The following B3GALT1 variants were observed in gnomAD, a reference collection of about 807,000 sequenced individuals.
The protein encoded by B3GALT1 is beta-1,3-galactosyltransferase 1.
A neutral mutation model predicts 23.2 loss-of-function variants in B3GALT1; 10 were observed. The ratio of observed to expected loss-of-function variants is 0.43; its 90% confidence interval spans 0.27 to 0.73. The LOEUF (loss-of-function observed/expected upper bound fraction) is 0.73. Ranked by LOEUF, B3GALT1 falls within the 30% of genes least tolerant of loss-of-function variation. The pLI is 0.21. For synonymous variants in B3GALT1, 156 were observed against 141.5 expected (o/e 1.10, Z -0.73); for missense variants, 299 against 405.4 (o/e 0.74, Z 2.25).
chr2:167,742,695 A>G (rs1687594205), intron 3 of B3GALT1, among the ~76,000 whole-genome samples: 1 of 152,124 alleles, frequency 6.6e-6, no homozygotes, highest in African/African-American at 2.4e-5. Flanking sequence ...CACAGAAATG[A>G]TGTAATTCTG....
Position 167,777,810 on chromosome 2 carries a change from A to C in B3GALT1, c.-351-40862A>C, listed in dbSNP as rs149868469. ...AAGTACATTTCATAGCACTGAGTAG[A>C]TATATTACAGTGTGACATAGGACTA... On this transcript the variant is annotated intron_variant, in intron 3 of 4. Coordinates refer to ENST00000392690, the MANE Select transcript of B3GALT1 (RefSeq NM_020981.4). 1.8e-3 allele frequency among the ~76,000 whole-genome samples: 281 copies of C among 152,284 alleles called. 1 individual carries two copies. Among genetic ancestry groups the C allele is most frequent in the Non-Finnish European group, 2.9e-3 (194 of 68,018 alleles).
chr2:167,293,894 G>C (rs1312634313), intron 1 of B3GALT1, among the ~76,000 whole-genome samples: 3 of 144,504 alleles, frequency 2.1e-5, no homozygotes, highest in Non-Finnish European at 4.5e-5. Context: ...AAAAGTAACT[G>C]TTGGTCCACA....
intron 3 of B3GALT1, among the ~76,000 whole-genome samples, chr2:167,694,520 A>G (rs1328499483): frequency 1.3e-5 from 2 of 152,158 alleles, no homozygotes; most frequent in African/African-American, 2.4e-5. Context: ...GCTGAAATTT[A>G]TCTCATTCTA....
At chr2:167,430,885 A>G (rs1199687126) in intron 1 of B3GALT1, among the ~76,000 whole-genome samples, 2 of 152,234 alleles carry the variant, frequency 1.3e-5, no homozygotes, top group African/African-American at 2.4e-5. Context: ...CAGAGAATGC[A>G]GTATACATGT....
intron 3 of B3GALT1, among the ~76,000 whole-genome samples, chr2:167,810,692 C>A (rs1016914095): frequency 6.8e-6 from 1 of 148,020 alleles, no homozygotes; most frequent in African/African-American, 2.7e-5. Flanking sequence ...CCTCATAGAT[C>A]CCACTGCATG....
chr2:167,451,325 A>G (rs886676115), intron 1 of B3GALT1, among the ~76,000 whole-genome samples: 3 of 151,732 alleles, frequency 2.0e-5, no homozygotes, highest in South Asian at 2.1e-4. Flanking sequence ...TGGGTAGGCT[A>G]TGTCAGAGGG....
chr2:167,873,192 G>GATA lies in B3GALT1; in HGVS notation c.*3177_*3179dup, dbSNP rs1201794214. ...AACTCTTTTTTTCCATTATGCACTG[G>GATA]ATAATAACAGTATCAGTGTCTATGT... On this transcript the variant is annotated 3_prime_UTR_variant, in exon 5 of 5. Coordinates refer to ENST00000392690, the MANE Select transcript of B3GALT1 (RefSeq NM_020981.4). 6.6e-6 allele frequency: 1 copy of GATA among 151,872 alleles called. No homozygotes were observed. The highest frequency in any genetic ancestry group is 2.4e-5 in the African/African-American group (1 of 41,340). The allele number at this position is 151,872 out of a possible 1,614,324, so 9.4% of individuals were successfully genotyped here. A position where few individuals can be genotyped will look rare whatever the true frequency, so the allele number is the denominator to read the frequency against.
intron 3 of B3GALT1, among the ~76,000 whole-genome samples, chr2:167,653,645 G>A (rs1159971533): frequency 6.6e-6 from 1 of 152,188 alleles, no homozygotes; most frequent in Non-Finnish European, 1.5e-5. Context: ...TACAGGAGAT[G>A]TTGCAGGCTC....
chr2:167,795,305 C>A (rs1213857523), intron 3 of B3GALT1, among the ~76,000 whole-genome samples: 1 of 152,134 alleles, frequency 6.6e-6, no homozygotes, highest in African/African-American at 2.4e-5. Flanking sequence ...AAACAGAAAT[C>A]TAAGGGGAAG....
intron 3 of B3GALT1, among the ~76,000 whole-genome samples, chr2:167,691,909 AAGTAAGT>A (rs930272615): frequency 1.8e-4 from 28 of 152,276 alleles, no homozygotes; most frequent in African/African-American, 6.5e-4. Context: ...CTCGTACATA[AAGTAAGT>A]AGAGCTTGTA....
chr2:167,632,966 T>G (rs1328524682), intron 2 of B3GALT1, among the ~76,000 whole-genome samples: 2 of 152,028 alleles, frequency 1.3e-5, no homozygotes, highest in Non-Finnish European at 2.9e-5. Context: ...CTTGAGTTAA[T>G]TTTTGTATAA....
intron 3 of B3GALT1, among the ~76,000 whole-genome samples, chr2:167,767,893 G>A (rs1308256122): frequency 6.6e-6 from 1 of 152,110 alleles, no homozygotes; most frequent in Non-Finnish European, 1.5e-5. Context: ...TTTGCAAGCT[G>A]CAGACCCAGG....
chr2:167,499,993 G>A (rs939305737), intron 2 of B3GALT1, among the ~76,000 whole-genome samples: 4 of 152,062 alleles, frequency 2.6e-5, no homozygotes, highest in Admixed American at 6.6e-5. Flanking sequence ...TCCTGTGTGC[G>A]TGTGTGTTTG....
At chr2:167,373,230 G>T (rs1697711953) in intron 1 of B3GALT1, among the ~76,000 whole-genome samples, 1 of 151,562 alleles carries the variant, frequency 6.6e-6, no homozygotes, top group Non-Finnish European at 1.5e-5. Context: ...ATTCAAAATG[G>T]ATTATAAACC....
chr2:167,508,614 A>G (rs1385839229), intron 2 of B3GALT1, among the ~76,000 whole-genome samples: 1 of 152,094 alleles, frequency 6.6e-6, no homozygotes, highest in Non-Finnish European at 1.5e-5. Context: ...TATGCTCTAA[A>G]ATTGAACTTT....
intron 1 of B3GALT1, among the ~76,000 whole-genome samples, chr2:167,354,642 G>C (rs1697373445): frequency 6.6e-6 from 1 of 152,074 alleles, no homozygotes; most frequent in Non-Finnish European, 1.5e-5. Context: ...ACTTTGCCCG[G>C]CCAAATCTCT....
At chr2:167,375,814 A>G (rs77634021) in intron 1 of B3GALT1, among the ~76,000 whole-genome samples, 15,699 of 151,708 alleles carry the variant, frequency 0.1, 995 homozygotes, top group African/African-American at 0.18. Flanking sequence ...TTCCTATTGC[A>G]ATGCCTTTTC....
intron 2 of B3GALT1, among the ~76,000 whole-genome samples, chr2:167,536,114 T>C (rs1683419463): frequency 6.6e-6 from 1 of 152,050 alleles, no homozygotes; most frequent in Admixed American, 6.6e-5. Context: ...ACTATGTTGA[T>C]CAGGCTGGTG....
intron 1 of B3GALT1, among the ~76,000 whole-genome samples, chr2:167,423,155 C>A (rs1698573583): frequency 6.6e-6 from 1 of 152,100 alleles, no homozygotes; most frequent in African/African-American, 2.4e-5. Context: ...CTTTGTCTCC[C>A]TACTCTAACC....
Sources: allele counts gnomAD v4.1 joint callset (sites outside exome capture counted in the v4.1 genomes callset), GRCh38; gene constraint gnomAD v4.1.1; transcripts MANE v1.5; gene names NCBI Gene and HGNC (gene_info 2026-07-23, HGNC 2026-07-21).